Variants in KLK13 observed in about 807,000 individuals in gnomAD.
KLK13 encodes kallikrein related peptidase 13, also known as kallikrein-13.
In KLK13, 19 loss-of-function variants were observed where a neutral mutation model predicts 22.4. That is an observed-to-expected ratio of 0.85 (90% CI 0.59 to 1.24). The LOEUF (loss-of-function observed/expected upper bound fraction) is 1.24. Among genes scored for constraint, KLK13 ranks in the 50% most tolerant of loss-of-function variants. KLK13 has a pLI of 0.00. For missense variants in KLK13, 311 were observed against 347.9 expected (o/e 0.89, Z 0.84); for synonymous variants, 156 against 141.8 (o/e 1.10, Z -0.71).
chr19:51,062,248 G>A lies in KLK13; in HGVS notation c.53-1629C>T, dbSNP rs189742008. 1.1e-4 allele frequency among the ~76,000 whole-genome samples: 16 copies of A among 152,182 alleles called. No homozygotes were observed. In the East Asian group the frequency reaches 3.1e-3, roughly 29 times the overall value. The stretch of plus-strand genomic sequence containing the variant: ...ACTGGATGACCCTCAGAATTTAGAG[G>A]TTGTATGTCTGGGTCCTTCTTAATT... On this transcript the variant is annotated intron_variant, in intron 1 of 4. Coordinates refer to ENST00000595793, the MANE Select transcript of KLK13 (RefSeq NM_015596.3).
At chr19:51,058,414 G>C (rs1035312264) in intron 4 of KLK13, 124 bp downstream of exon 4, 6 of 1,131,342 alleles carry the variant, frequency 5.3e-6, no homozygotes, top group Non-Finnish European at 6.4e-6. Context: ...CTATGTGAGG[G>C]GACATTGTAT....
intron 1 of KLK13, chr19:51,063,642 G>A (rs1299718194): frequency 2.2e-6 from 1 of 456,678 alleles, no homozygotes; most frequent in Admixed American, 2.3e-5. Flanking sequence ...CTAGCCTAGG[G>A]TGTGGCACTC....
rs142773664 is a variant in KLK13, at chr19:51,058,614, C to T, written c.569G>A (p.Arg190His). The T allele has an allele frequency of 3.2e-5, 51 of 1,614,094 alleles. No homozygotes were observed. The highest frequency in any genetic ancestry group is 1.2e-4 in the African/African-American group (9 of 74,996). Residue 190 changes from arginine to histidine, a missense_variant, in exon 4 of 5, where the codon CGT (arginine) becomes CAT (histidine). Transcript: ENST00000595793. ...NIQLRSDEEC[R>H]QVYPGKITDN... ...AGTGATCTTTCCTGGGTAGACTTGA[C>T]GACACTCCTCATCTGAGCGAAGTTG...
chr19:51,059,877 G>A lies in KLK13; in HGVS notation c.456C>T (p.Thr152=), dbSNP rs374937829. 3 of 1,604,316 alleles carry A rather than the reference G, an allele frequency of 1.9e-6. No homozygotes were observed. Among genetic ancestry groups the A allele is most frequent in the East Asian group, 2.2e-5 (1 of 44,736 alleles). The part of the protein sequence containing the change: ...TLPLSHNNRL[T]PGTTCRVSGW... ...CAGACACCCGACAGGTGGTGCCAGGGGTTAGGCGGTTGTTGTGGGAAAGGG... is the reference window on the plus strand; with the variant it reads ...CAGACACCCGACAGGTGGTGCCAGGAGTTAGGCGGTTGTTGTGGGAAAGGG... Residue 152 remains threonine, a synonymous_variant, in exon 3 of 5, where the codon ACC becomes ACT. Transcript: ENST00000595793.
intron 3 of KLK13, 146 bp downstream of exon 3, chr19:51,059,679 A>T: frequency 2.3e-6 from 1 of 434,638 alleles, no homozygotes; most frequent in East Asian, 4.0e-5. Context: ...TATATAAAGG[A>T]TACAGCTAAC....
Position 51,058,652 on chromosome 19 carries a change from T to C in KLK13, c.531A>G (p.Gln177=), listed in dbSNP as rs1010974909. The stretch of plus-strand genomic sequence containing the variant: ...CTGAGCGAAGTTGGATGTTGGCACA[T>C]TGTAGAGTTTTGGGGTAATTCACTG... The part of the protein sequence containing the change: ...SPQVNYPKTL[Q]CANIQLRSDE... The change falls in exon 4 of 5, where the codon CAA becomes CAG. Residue 177 remains glutamine, a synonymous_variant. Coordinates refer to ENST00000595793, the MANE Select transcript of KLK13 (RefSeq NM_015596.3). 1 of 1,614,064 alleles carries C rather than the reference T, an allele frequency of 6.2e-7. No individual in the cohort carries two copies. Among genetic ancestry groups the C allele is most frequent in the Non-Finnish European group, 8.5e-7 (1 of 1,180,000 alleles).
At chr19:51,063,834 C>T (rs754874102) in intron 1 of KLK13, 2 of 465,102 alleles carry the variant, frequency 4.3e-6, no homozygotes, top group African/African-American at 2.0e-5. Flanking sequence ...ATCTCTAGGC[C>T]CCTGGCTTGG....
intron 4 of KLK13, 44 bp downstream of exon 4, chr19:51,058,494 G>A (rs900964322): frequency 6.2e-7 from 1 of 1,609,858 alleles, no homozygotes; most frequent in Non-Finnish European, 8.5e-7. Context: ...TTCCATTCTG[G>A]CTTTCTATCC....
At position 51,065,061 on chromosome 19, in the gene KLK13, GCCACATGGCTCCGGGATCGGGA is replaced by G; in HGVS notation, c.-16_6del. The G allele has an allele frequency of 1.1e-6, 1 of 892,916 alleles. No individual in the cohort carries two copies. The highest frequency in any genetic ancestry group is 1.6e-6 in the Non-Finnish European group (1 of 618,938). 55.3% of individuals were successfully genotyped at this position (892,916 alleles called of 1,614,324 possible). ...AGGGAGGCGATCACTAGGGCCAGGG[GCCACATGGCTCCGGGATCGGGA>G]GGGGAGGGCAGGGCGGGCGGGGCCT... On this transcript the variant is annotated start_lost and 5_prime_UTR_variant, in exon 1 of 5. Coordinates refer to ENST00000595793, the MANE Select transcript of KLK13 (RefSeq NM_015596.3).
intron 3 of KLK13, among the ~76,000 whole-genome samples, chr19:51,059,205 A>G (rs538972235): frequency 2.0e-5 from 3 of 151,900 alleles, no homozygotes; most frequent in East Asian, 3.9e-4. Context: ...ATTCACATAT[A>G]TAATGTATTA....
At chr19:51,064,959 A>AC (rs1229715847) in intron 1 of KLK13, 57 bp downstream of exon 1, 2 of 1,428,668 alleles carry the variant, frequency 1.4e-6, no homozygotes, top group Non-Finnish European at 1.9e-6. Flanking sequence ...CTCCGGCCTG[A>AC]CCCCTCCTAC....
intron 4 of KLK13, 137 bp from the exon 5 acceptor site, chr19:51,056,912 GACAC>G (rs1212029255): frequency 3.1e-6 from 2 of 641,630 alleles, no homozygotes; most frequent in East Asian, 2.7e-5. Flanking sequence ...GGCAGAGTCA[GACAC>G]ACACAGTGTG....
intron 1 of KLK13, among the ~76,000 whole-genome samples, chr19:51,062,625 G>A (rs1366465234): frequency 6.6e-6 from 1 of 152,108 alleles, no homozygotes; most frequent in African/African-American, 2.4e-5. Flanking sequence ...CGTGGGACAG[G>A]GAGAATCCAA....
At chr19:51,065,171 C>T, upstream of KLK13, 1 of 751,558 alleles carries the variant, frequency 1.3e-6, no homozygotes, top group Non-Finnish European at 2.1e-6. Flanking sequence ...AACCTCTCTG[C>T]TCCTGAATGT....
At chr19:51,057,240 G>GT (rs2091684429) in intron 4 of KLK13, among the ~76,000 whole-genome samples, 1 of 152,084 alleles carries the variant, frequency 6.6e-6, no homozygotes. Context: ...CAACACACGT[G>GT]TAAGTCTATT....
rs1308057269 is a variant in KLK13 at position 51,060,678 on chromosome 19, G to T, written c.53-59C>A. The T allele has an allele frequency of 4.3e-6, 6 of 1,398,564 alleles. No homozygotes were observed. The Admixed American group carries it at 1.2e-4, about 28-fold the overall frequency. The allele number at this position is 1,398,564 out of a possible 1,614,324, so 86.6% of individuals were successfully genotyped here. On this transcript the variant is annotated intron_variant, in intron 1 of 4. Coordinates refer to ENST00000595793, the MANE Select transcript of KLK13 (RefSeq NM_015596.3). ...ATCCAGGGGGCAGAGGAGCCCTGGG[G>T]TTGTGGTTTCTGGGTTTGGGGTAAG... is the stretch of plus-strand genomic sequence containing the variant.
intron 3 of KLK13, 59 bp from the exon 4 acceptor site, chr19:51,058,733 G>A (rs2091699044): frequency 1.9e-6 from 3 of 1,563,192 alleles, no homozygotes; most frequent in South Asian, 1.1e-5. Flanking sequence ...TGGGATGAAG[G>A]TGAAATAGGC....
chr19:51,061,387 C>A (rs1173602514), intron 1 of KLK13, among the ~76,000 whole-genome samples: 1 of 152,224 alleles, frequency 6.6e-6, no homozygotes, highest in Non-Finnish European at 1.5e-5. Context: ...GCCCTGAACT[C>A]TTCTTTAAGC....
upstream of KLK13, among the ~76,000 whole-genome samples, chr19:51,065,437 T>A (rs553184725): frequency 1.1e-3 from 165 of 152,228 alleles, 1 homozygote; most frequent in African/African-American, 3.4e-3. Flanking sequence ...TCCACACGCT[T>A]GGTATTAGCC....
Sources: allele counts gnomAD v4.1 joint callset (sites outside exome capture counted in the v4.1 genomes callset), GRCh38; gene constraint gnomAD v4.1.1; transcripts MANE v1.5; gene names NCBI Gene and HGNC (gene_info 2026-07-23, HGNC 2026-07-21).